GRM8: variants seen among roughly 807,000 people sequenced by gnomAD.
The protein encoded by GRM8 is metabotropic glutamate receptor 8.
Under a neutral mutation model 87.2 loss-of-function variants are expected in GRM8, and 47 were observed. The observed-to-expected ratio is 0.54, with a 90% confidence interval of 0.43 to 0.69. The LOEUF (loss-of-function observed/expected upper bound fraction) is 0.69, where lower values mean the gene tolerates loss of function less well. GRM8 is among the 30% of genes least tolerant of loss of function. GRM8 has a pLI of 0.00. For synonymous variants in GRM8, 396 were observed against 404.5 expected (o/e 0.98, Z 0.25); for missense variants, 1,019 against 1,139.2 (o/e 0.89, Z 1.52).
At chr7:126,489,682 G>A (rs537859510) in intron 9 of GRM8, among the ~76,000 whole-genome samples, 2 of 152,052 alleles carry the variant, frequency 1.3e-5, no homozygotes, top group Non-Finnish European at 2.9e-5. Flanking sequence ...TAATTTCTCT[G>A]AAAGTTATGT....
At chr7:126,494,208 T>A (rs1808412797) in intron 9 of GRM8, among the ~76,000 whole-genome samples, 1 of 152,066 alleles carries the variant, frequency 6.6e-6, no homozygotes, top group South Asian at 2.1e-4. Context: ...GCAGCATGAC[T>A]GTAATTCTCA....
intron 8 of GRM8, among the ~76,000 whole-genome samples, chr7:126,564,235 G>T (rs1356979171): frequency 6.6e-6 from 1 of 152,166 alleles, no homozygotes. Flanking sequence ...GCCAAGAGAT[G>T]ATAGGCCTGC....
intron 6 of GRM8, among the ~76,000 whole-genome samples, chr7:126,809,789 G>A (rs80179692): frequency 0.016 from 2,467 of 152,144 alleles, 73 homozygotes; most frequent in African/African-American, 0.056. Flanking sequence ...CCTGGGGAGT[G>A]CAACAATATA....
At chr7:126,789,937 G>T (rs1170223180) in intron 6 of GRM8, among the ~76,000 whole-genome samples, 1 of 151,922 alleles carries the variant, frequency 6.6e-6, no homozygotes, top group Admixed American at 6.6e-5. Context: ...CAACTGGCAT[G>T]TTGTACTATG....
intron 3 of GRM8, among the ~76,000 whole-genome samples, chr7:126,939,185 A>G (rs1192489643): frequency 6.6e-6 from 1 of 152,176 alleles, no homozygotes; most frequent in Non-Finnish European, 1.5e-5. Context: ...TTGAGTTTTA[A>G]TGAAAGACAC....
At chr7:126,590,933 T>G (rs968228809) in intron 8 of GRM8, among the ~76,000 whole-genome samples, 2 of 151,966 alleles carry the variant, frequency 1.3e-5, no homozygotes, top group African/African-American at 2.4e-5. Flanking sequence ...AAAGCATAAA[T>G]TTCACAGGAC....
At chr7:126,857,154 G>T (rs1265841007) in intron 6 of GRM8, among the ~76,000 whole-genome samples, 3 of 152,196 alleles carry the variant, frequency 2.0e-5, no homozygotes, top group African/African-American at 7.2e-5. Context: ...GGACAAGGGA[G>T]AGATTCAAAT....
intron 2 of GRM8, among the ~76,000 whole-genome samples, chr7:127,115,604 A>C (rs908672271): frequency 2.6e-5 from 4 of 152,224 alleles, no homozygotes; most frequent in African/African-American, 9.6e-5. Context: ...TATGAACATG[A>C]AATAATTTAC....
At chr7:127,177,005 A>T (rs1163602366) in intron 2 of GRM8, among the ~76,000 whole-genome samples, 2 of 152,192 alleles carry the variant, frequency 1.3e-5, no homozygotes, top group Non-Finnish European at 2.9e-5. Context: ...CCTCCTGCTC[A>T]GAAGTCACGG....
intron 3 of GRM8, among the ~76,000 whole-genome samples, chr7:126,989,875 T>A (rs762335572): frequency 1.3e-5 from 2 of 151,598 alleles, no homozygotes; most frequent in Non-Finnish European, 2.9e-5. Flanking sequence ...GGTGGGAGGA[T>A]CACCTGAGCC....
intron 7 of GRM8, among the ~76,000 whole-genome samples, chr7:126,643,134 C>CA (rs910262497): frequency 1.3e-5 from 2 of 149,874 alleles, no homozygotes; most frequent in Admixed American, 6.6e-5. Context: ...TACCAAAATA[C>CA]AAAAAAATGG....
chr7:127,118,447 T>C (rs957708821), intron 2 of GRM8, among the ~76,000 whole-genome samples: 6 of 152,242 alleles, frequency 3.9e-5, no homozygotes, highest in African/African-American at 1.4e-4. Flanking sequence ...TTTCATCCTA[T>C]GAACATTTTT....
chr7:126,467,131 C>T (rs1758051966), intron 9 of GRM8, among the ~76,000 whole-genome samples: 1 of 151,850 alleles, frequency 6.6e-6, no homozygotes. Flanking sequence ...TCCCCTAATG[C>T]TATCCCTCTC....
chr7:126,550,059 A>G (rs1385936164), intron 8 of GRM8, among the ~76,000 whole-genome samples: 1 of 151,978 alleles, frequency 6.6e-6, no homozygotes, highest in Non-Finnish European at 1.5e-5. Context: ...AAAAACTGTT[A>G]GAAAAATGAC....
intron 3 of GRM8, among the ~76,000 whole-genome samples, chr7:127,070,677 T>C (rs999899563): frequency 1.2e-4 from 19 of 152,170 alleles, no homozygotes; most frequent in African/African-American, 4.3e-4. Context: ...CCATGTGTAT[T>C]CTCACAAGCA....
intron 3 of GRM8, 44 bp downstream of exon 3, chr7:127,106,452 A>G (rs762839007): frequency 2.0e-6 from 3 of 1,477,566 alleles, no homozygotes; most frequent in Non-Finnish European, 2.8e-6. Context: ...GGCATCAGCA[A>G]TCTGTCACCT....
intron 8 of GRM8, among the ~76,000 whole-genome samples, chr7:126,592,204 C>T (rs1360478467): frequency 6.7e-6 from 1 of 149,316 alleles, no homozygotes; most frequent in East Asian, 2.0e-4. Context: ...CTATCAAAAA[C>T]TTAAAGAATG....
intron 2 of GRM8, among the ~76,000 whole-genome samples, chr7:127,226,156 T>C (rs1587327113): frequency 6.6e-6 from 1 of 152,192 alleles, no homozygotes; most frequent in Non-Finnish European, 1.5e-5. Flanking sequence ...TCATTGTCTC[T>C]TTTCAAATTA....
chr7:126,759,992 G>A (rs9649507), intron 7 of GRM8, among the ~76,000 whole-genome samples: 52,401 of 151,832 alleles, frequency 0.35, 9,684 homozygotes, highest in Middle Eastern at 0.46. Flanking sequence ...GTTTCTGATC[G>A]CTAGAAAAAA....
Sources: allele counts gnomAD v4.1 joint callset (sites outside exome capture counted in the v4.1 genomes callset), GRCh38; gene constraint gnomAD v4.1.1; transcripts MANE v1.5; gene names NCBI Gene and HGNC (gene_info 2026-07-23, HGNC 2026-07-21).